The following TRIM28 variants were observed in gnomAD, a reference collection of about 807,000 sequenced individuals.
TRIM28 encodes tripartite motif containing 28.
A neutral mutation model predicts 87.4 loss-of-function variants in TRIM28; 8 were observed. The observed-to-expected ratio is 0.09, with a 90% CI of 0.05 to 0.17. The LOEUF is 0.17. Ranked by LOEUF, TRIM28 falls within the 10% of genes least tolerant of loss-of-function variation. TRIM28 has a pLI of 1.00. For missense variants in TRIM28, 968 were observed against 1,131.8 expected, an observed-to-expected ratio of 0.86 and a Z score of 2.08; for synonymous variants, 601 against 454.3, an observed-to-expected ratio of 1.32 and a Z score of -4.11.
At position 58,547,373 on chromosome 19, in the gene TRIM28, C is replaced by T. The variant is rs772631341; in HGVS notation, c.587-3C>T. ...GTCCAGCCTTATGATTCCCACTCCCCAGGGCCAGCCAAGTCTCGGGATGGT... is the reference window on the plus strand; with the variant it reads ...GTCCAGCCTTATGATTCCCACTCCCTAGGGCCAGCCAAGTCTCGGGATGGT... On this transcript the variant is annotated splice_polypyrimidine_tract_variant and splice_region_variant and intron_variant, in intron 3 of 16. Transcript: ENST00000253024. 18 of 1,613,408 alleles carry T rather than the reference C, an allele frequency of 1.1e-5. 1 individual carries two copies. In the South Asian group the frequency reaches 1.4e-4, roughly 13 times the overall value.
intron 3 of TRIM28, among the ~76,000 whole-genome samples, 171 bp downstream of exon 3, chr19:58,546,067 A>G (rs964321259): frequency 6.6e-6 from 1 of 152,148 alleles, no homozygotes; most frequent in Admixed American, 6.5e-5. Flanking sequence ...TGTGGTGTGT[A>G]GTCTCTAGGG....
At position 58,549,464 on chromosome 19, in the gene TRIM28, C is replaced by A; in HGVS notation, c.1796C>A (p.Thr599Asn). 6.2e-7 allele frequency: 1 copy of A among 1,612,364 alleles called. No individual in the cohort carries two copies. The highest frequency in any genetic ancestry group is 1.1e-5 in the South Asian group (1 of 91,046). The change falls in exon 13 of 17, where the codon ACC becomes AAC. Residue 599 changes from threonine (T) to asparagine (N), a missense_variant. Transcript: ENST00000253024. This position sits in a 1 kb window ranked among gnomAD's most constrained non-coding sequence, Gnocchi z 4.4. Reference protein sequence around the residue: ...GPRLASPSGSTSSGLEVVAPE... With the variant: ...GPRLASPSGSNSSGLEVVAPE... ...CGCCTGGCCTCACCTAGTGGCAGCA[C>A]CAGCTCAGGGCTGGAGGTGGTGGCT...
chr19:58,547,966 C>G, intron 6 of TRIM28, 60 bp downstream of exon 6: 1 of 1,613,346 alleles, frequency 6.2e-7, no homozygotes, highest in Non-Finnish European at 8.5e-7. Flanking sequence ...ATGATGCTGT[C>G]TGGGGTGAGG....
rs751549107 is a variant in TRIM28, at chr19:58,549,538, A to C, written c.1870A>C (p.Ser624Arg). The C allele has an allele frequency of 6.2e-7, 1 of 1,614,020 alleles. No homozygotes were observed. Among genetic ancestry groups the C allele is most frequent in the South Asian group, 1.1e-5 (1 of 91,088 alleles). ...PGGGPGTLDD[S>R]ATICRVCQKP... ...TGGTGGCCCGGGAACCCTGGATGAC[A>C]GTGCCACCATTTGCCGTGTCTGCCA... is the stretch of plus-strand genomic sequence containing the variant. The change falls in exon 13 of 17, where the codon AGT becomes CGT. Residue 624 changes from serine to arginine, a missense_variant. Transcript: ENST00000253024. This position sits in a 1 kb window ranked among gnomAD's most constrained non-coding sequence, Gnocchi z 4.4.
In TRIM28 at chr19:58,549,839, G is replaced by C. The variant is rs1322177828; in HGVS notation, c.2085G>C (p.Lys695Asn). Residue 695 changes from lysine (K) to asparagine (N), a missense_variant, in exon 14 of 17, where the codon AAG becomes AAC. Lys to Asn is a moderately conservative substitution (Grantham distance 94, BLOSUM62 0). Around this residue, in one of 11 missense-constraint regions of TRIM28, gnomAD observed 192 missense variants for 225.6 expected, o/e 0.85. Transcript: ENST00000253024. The surrounding 1 kb of genome is among the most constrained non-coding windows in gnomAD (Gnocchi z 4.4). ...DGADSTGVVA[K>N]LSPANQRKCE... ...CAGACAGCACTGGCGTGGTGGCCAA[G>C]CTCTCACCAGCCAACCAGCGGGTGA... 3 of 1,612,450 alleles carry C rather than the reference G, an allele frequency of 1.9e-6. No individual in the cohort carries two copies. The highest frequency in any genetic ancestry group is 2.5e-6 in the Non-Finnish European group (3 of 1,178,588).
chr19:58,545,262 T>C (rs1209977578), intron 1 of TRIM28, 163 bp from the exon 2 acceptor site: 13 of 883,862 alleles, frequency 1.5e-5, no homozygotes, highest in Non-Finnish European at 2.1e-5. Context: ...TGCTGGCCGC[T>C]GAGATGGGAC....
At position 58,548,259 on chromosome 19, in the gene TRIM28, G is replaced by A. The variant is rs188077654; in HGVS notation, c.1102-35G>A. 4 of 1,613,814 alleles carry A rather than the reference G, an allele frequency of 2.5e-6. No individual in the cohort carries two copies. In the African/African-American group the frequency reaches 5.3e-5, roughly 22 times the overall value. On this transcript the variant is annotated intron_variant, in intron 7 of 16. Coordinates refer to ENST00000253024, the MANE Select transcript of TRIM28 (RefSeq NM_005762.3). ...CCTCAAATCCCTATTTGTTGTTGGTGTGCTCATTCTTTCCTCCCTTTCACT... is the reference window on the plus strand; with the variant it reads ...CCTCAAATCCCTATTTGTTGTTGGTATGCTCATTCTTTCCTCCCTTTCACT...
Position 58,544,731 on chromosome 19 carries a change from C to T in TRIM28, c.-27C>T, listed in dbSNP as rs890863936. ...CGGCGGGCCCCGCGCCCCTCCTCCC[C>T]CCCTGGGCGCCCCCGGCGGCGTGTG... On this transcript the variant is annotated 5_prime_UTR_variant, in exon 1 of 17. Transcript: ENST00000253024. 31 of 1,036,522 alleles carry T rather than the reference C, an allele frequency of 3.0e-5. No homozygotes were observed. Among genetic ancestry groups the T allele is most frequent in the South Asian group, 4.4e-5 (1 of 22,566 alleles). The allele number at this position is 1,036,522 out of a possible 1,614,324, so 64.2% of individuals were successfully genotyped here.
chr19:58,544,886 T>G lies in TRIM28; in HGVS notation c.129T>G (p.Ser43=), dbSNP rs2053746043. The G allele has an allele frequency of 7.3e-7, 1 of 1,365,584 alleles. No individual in the cohort carries two copies. The highest frequency in any genetic ancestry group is 9.4e-7 in the Non-Finnish European group (1 of 1,067,150). The allele number at this position is 1,365,584 out of a possible 1,614,324, so 84.6% of individuals were successfully genotyped here. The change falls in exon 1 of 17, where the codon TCT becomes TCG. Residue 43 remains serine, a synonymous_variant. Transcript: ENST00000253024. ...CCCCTTCGGCCGCAGCCTCGGCCTC[T>G]GCCTCAGCCGCGGCGTCGTCGCCCG... The part of the protein sequence containing the change: ...STAPSAAASA[S]ASAAASSPAG...
chr19:58,545,706 T>C (rs1328150965), intron 2 of TRIM28, 58 bp from the exon 3 acceptor site: 46 of 1,579,064 alleles, frequency 2.9e-5, no homozygotes, highest in Non-Finnish European at 3.9e-5. Context: ...TTTTCTGGGA[T>C]GTAAACGTGG....
In TRIM28 at chr19:58,544,475, C is replaced by CG. The variant is rs1313163917; in HGVS notation, c.-280dup. ...TCGGCTCTTTCTGCGAGCGGGCGCG[C>CG]GGGCGAGCGGTTGTGCTTGTGCTTG... On this transcript the variant is annotated 5_prime_UTR_variant, in exon 1 of 17. An upstream open reading frame in the 5' UTR loses its in-frame stop. Coordinates refer to ENST00000253024, the MANE Select transcript of TRIM28 (RefSeq NM_005762.3). 2 of 152,348 alleles carry CG rather than the reference C, an allele frequency of 1.3e-5. No individual in the cohort carries two copies. Among genetic ancestry groups the CG allele is most frequent in the African/African-American group, 4.8e-5 (2 of 41,428 alleles). 9.4% of individuals were successfully genotyped at this position (152,348 alleles called of 1,614,324 possible). A position where few individuals can be genotyped will look rare whatever the true frequency, so the allele number is the denominator to read the frequency against.
At chr19:58,547,334 T>G in intron 3 of TRIM28, 42 bp from the exon 4 acceptor site, 1 of 1,598,188 alleles carries the variant, frequency 6.3e-7, no homozygotes, top group Non-Finnish European at 8.6e-7. Context: ...GAGTTGGGGG[T>G]GGTGAAGGGC....
Position 58,549,650 on chromosome 19 carries a change from G to A in TRIM28, c.1982G>A (p.Gly661Glu), listed in dbSNP as rs966349513. The change falls in exon 13 of 17, where the codon GGG becomes GAG. Residue 661 changes from glycine to glutamate, a missense_variant and splice_region_variant. Physicochemically the swap from Gly to Glu is moderately conservative, Grantham distance 98. Coordinates refer to ENST00000253024, the MANE Select transcript of TRIM28 (RefSeq NM_005762.3). This position sits in a 1 kb window ranked among gnomAD's most constrained non-coding sequence, Gnocchi z 4.4. The part of the protein sequence containing the change: ...CHLPALQDVP[G>E]EEWSCSLCHV... Reference sequence around the variant, plus strand: ...CTGCCGGCCCTGCAGGATGTACCAGGGTGAGTGTGAGGCTGGTGGGGGTCA... The same window carrying A: ...CTGCCGGCCCTGCAGGATGTACCAGAGTGAGTGTGAGGCTGGTGGGGGTCA... 6.2e-7 allele frequency: 1 copy of A among 1,609,794 alleles called. No individual in the cohort carries two copies. Among genetic ancestry groups the A allele is most frequent in the Non-Finnish European group, 8.5e-7 (1 of 1,176,682 alleles).
In TRIM28 at chr19:58,549,154, G is replaced by A. The variant is rs1247171007; in HGVS notation, c.1576G>A (p.Ala526Thr). ...DYNLIVIERG[A>T]AAAATGQPGT... is the part of the protein sequence containing the mutation. ...CAACCTTATTGTTATTGAACGTGGC[G>A]CTGCCGCTGCAGCTACCGGCCAGCC... The change falls in exon 12 of 17, where the codon GCT (alanine) becomes ACT (threonine). Residue 526 changes from alanine (A) to threonine (T), a missense_variant. Physicochemically the swap from Ala to Thr is moderately conservative, Grantham distance 58. Around this residue, in one of 11 missense-constraint regions of TRIM28, gnomAD observed 23 missense variants for 56.7 expected, o/e 0.41. Transcript: ENST00000253024. The surrounding 1 kb of genome is among the most constrained non-coding windows in gnomAD (Gnocchi z 4.4). 3.1e-6 allele frequency: 5 copies of A among 1,614,020 alleles called. No homozygotes were observed. Among genetic ancestry groups the A allele is most frequent in the Non-Finnish European group, 4.2e-6 (5 of 1,179,976 alleles).
Position 58,549,545 on chromosome 19 carries a change from C to T in TRIM28, c.1877C>T (p.Thr626Ile). 6.2e-7 allele frequency: 1 copy of T among 1,614,056 alleles called. No individual in the cohort carries two copies. Among genetic ancestry groups the T allele is most frequent in the African/African-American group, 1.3e-5 (1 of 75,028 alleles). The change falls in exon 13 of 17, where the codon ACC becomes ATC. Residue 626 changes from threonine to isoleucine, a missense_variant. Coordinates refer to ENST00000253024, the MANE Select transcript of TRIM28 (RefSeq NM_005762.3). This position sits in a 1 kb window ranked among gnomAD's most constrained non-coding sequence, Gnocchi z 4.4. ...CCGGGAACCCTGGATGACAGTGCCA[C>T]CATTTGCCGTGTCTGCCAGAAGCCA... ...GGPGTLDDSA[T>I]ICRVCQKPGD...
chr19:58,547,438 C>T lies in TRIM28; in HGVS notation c.649C>T (p.Leu217Phe), dbSNP rs1381130661. The T allele has an allele frequency of 6.2e-7, 1 of 1,614,056 alleles. No individual in the cohort carries two copies. Among genetic ancestry groups the T allele is most frequent in the Admixed American group, 1.7e-5 (1 of 60,010 alleles). ...TTGCAACGTACACAAGCATGAACCC[C>T]TTGTGCTGTTTTGTGAGAGCTGTGA... ...VYCNVHKHEP[L>F]VLFCESCDTL... The change falls in exon 4 of 17, where the codon CTT (leucine) becomes TTT (phenylalanine). Residue 217 changes from leucine to phenylalanine, a missense_variant. By Grantham distance (22) the Leu-to-Phe change is conservative. This residue lies in a region of TRIM28 where 103 missense variants were observed against 139.0 expected (regional missense o/e 0.74). Coordinates refer to ENST00000253024, the MANE Select transcript of TRIM28 (RefSeq NM_005762.3).
intron 3 of TRIM28, 152 bp from the exon 4 acceptor site, chr19:58,547,224 G>A: frequency 1.0e-6 from 1 of 955,726 alleles, no homozygotes; most frequent in Non-Finnish European, 1.5e-6. Context: ...GGGCTTGCAG[G>A]CCTGTGTTCT....
At position 58,549,194 on chromosome 19, in the gene TRIM28, C is replaced by G. The variant is rs1223522532; in HGVS notation, c.1616C>G (p.Ala539Gly). The G allele has an allele frequency of 9.3e-6, 15 of 1,613,804 alleles. No individual in the cohort carries two copies. Among genetic ancestry groups the G allele is most frequent in the Non-Finnish European group, 1.3e-5 (15 of 1,179,928 alleles). ...AATGQPGTAPAGTPGAPPLAG... is the reference protein window; with the variant it reads ...AATGQPGTAPGGTPGAPPLAG... ...ACCGGCCAGCCAGGGACTGCGCCTGCAGGAACCCCTGGTGCCCCACCCCTG... is the reference window on the plus strand; with the variant it reads ...ACCGGCCAGCCAGGGACTGCGCCTGGAGGAACCCCTGGTGCCCCACCCCTG... The change falls in exon 12 of 17, where the codon GCA becomes GGA. Residue 539 changes from alanine to glycine, a missense_variant. This residue lies in a region of TRIM28 where 164 missense variants were observed against 146.2 expected (regional missense o/e 1.12). Transcript: ENST00000253024. This position sits in a 1 kb window ranked among gnomAD's most constrained non-coding sequence, Gnocchi z 4.4.
At chr19:58,546,519 G>A (rs1167186548) in intron 3 of TRIM28, among the ~76,000 whole-genome samples, 1 of 152,180 alleles carries the variant, frequency 6.6e-6, no homozygotes, top group Non-Finnish European at 1.5e-5. Context: ...CCATCCCAGA[G>A]GACAGCATTG....
Sources: allele counts gnomAD v4.1 joint callset (sites outside exome capture counted in the v4.1 genomes callset), GRCh38; gene constraint gnomAD v4.1.1; regional missense constraint gnomAD v4.1.1; non-coding constraint Gnocchi (gnomAD v3.1); transcripts MANE v1.5; gene names NCBI Gene and HGNC (gene_info 2026-07-23, HGNC 2026-07-21).